CSMD3: variants seen among roughly 807,000 people sequenced by gnomAD.
CSMD3 encodes the protein CUB and Sushi multiple domains 3, also known as CUB and sushi domain-containing protein 3.
A neutral mutation model predicts 435.2 loss-of-function variants in CSMD3; 177 were observed. The ratio of observed to expected loss-of-function variants is 0.41; its 90% confidence interval spans 0.36 to 0.46. The LOEUF is 0.46. CSMD3 is among the 20% of genes least tolerant of loss of function. The pLI is 0.34. For synonymous variants in CSMD3, 1,656 were observed against 1,520.5 expected, an observed-to-expected ratio of 1.09 and a Z score of -2.07; for missense variants, 4,265 against 4,504.6, an observed-to-expected ratio of 0.95 and a Z score of 1.52.
At chr8:113,139,545 T>C (rs2091497653) in intron 4 of CSMD3, among the ~76,000 whole-genome samples, 1 of 151,074 alleles carries the variant, frequency 6.6e-6, no homozygotes, top group Non-Finnish European at 1.5e-5. Context: ...TATGTAAATA[T>C]AATGCAATAC....
chr8:113,222,988 T>C (rs2092987171), intron 3 of CSMD3, among the ~76,000 whole-genome samples: 1 of 151,050 alleles, frequency 6.6e-6, no homozygotes, highest in Admixed American at 6.6e-5. Flanking sequence ...TTTGAGATCA[T>C]GTTCCTCTTG....
intron 4 of CSMD3, among the ~76,000 whole-genome samples, chr8:113,144,627 G>C (rs528739257): frequency 6.6e-6 from 1 of 151,280 alleles, no homozygotes; most frequent in South Asian, 2.1e-4. Flanking sequence ...ACTCAGATCT[G>C]TTTTCTGTTG....
At chr8:113,245,608 T>A (rs987662227) in intron 3 of CSMD3, among the ~76,000 whole-genome samples, 1 of 151,958 alleles carries the variant, frequency 6.6e-6, no homozygotes, top group African/African-American at 2.4e-5. Flanking sequence ...ATTAACAGAG[T>A]TTCTTAATTA....
chr8:113,302,423 GT>G (rs1242531465), intron 2 of CSMD3, among the ~76,000 whole-genome samples: 1 of 149,658 alleles, frequency 6.7e-6, no homozygotes, highest in Non-Finnish European at 1.5e-5. Context: ...GAGAATGTTA[GT>G]TTTTAACAGA....
At chr8:113,196,393 G>T (rs2092656285) in intron 3 of CSMD3, among the ~76,000 whole-genome samples, 2 of 151,298 alleles carry the variant, frequency 1.3e-5, no homozygotes, top group African/African-American at 4.8e-5. Flanking sequence ...AAGGTGGGCA[G>T]ATTGGGGTGA....
intron 32 of CSMD3, among the ~76,000 whole-genome samples, chr8:112,410,612 ATATGTATATATATGTG>A (rs1173181217): frequency 2.7e-5 from 1 of 37,584 alleles, no homozygotes; most frequent in Non-Finnish European, 5.4e-5. Flanking sequence ...GTGTATATAT[ATATGTATATATATGTG>A]TATATATATG....
intron 59 of CSMD3, among the ~76,000 whole-genome samples, chr8:112,279,010 AAAAAACAACAACAACAACAAC>A (rs1297120328): frequency 3.8e-5 from 5 of 133,058 alleles, no homozygotes; most frequent in East Asian, 2.1e-4. Flanking sequence ...CTCCACCCCC[AAAAAACAACAACAACAACAAC>A]AACAACAACA....
chr8:112,905,399 C>T (rs1444232735), intron 10 of CSMD3, among the ~76,000 whole-genome samples: 2 of 150,658 alleles, frequency 1.3e-5, no homozygotes, highest in Non-Finnish European at 3.0e-5. Flanking sequence ...AGGAGGCAAT[C>T]CTCCATGTGT....
chr8:112,479,677 T>C (rs1381427834), intron 31 of CSMD3, among the ~76,000 whole-genome samples: 1 of 152,166 alleles, frequency 6.6e-6, no homozygotes, highest in African/African-American at 2.4e-5. Context: ...CCATAATCCT[T>C]GGCAGTTTTC....
At chr8:112,474,545 A>T (rs1586444791) in intron 31 of CSMD3, among the ~76,000 whole-genome samples, 1 of 152,160 alleles carries the variant, frequency 6.6e-6, no homozygotes, top group African/African-American at 2.4e-5. Context: ...TTCCCATTAG[A>T]TATCAGTAGT....
At chr8:112,948,156 T>C (rs1301975524) in intron 8 of CSMD3, among the ~76,000 whole-genome samples, 2 of 151,968 alleles carry the variant, frequency 1.3e-5, no homozygotes, top group African/African-American at 2.4e-5. Flanking sequence ...TTAGTTTCCA[T>C]CAAATTGGAA....
intron 13 of CSMD3, among the ~76,000 whole-genome samples, chr8:112,741,449 A>C (rs2077302634): frequency 6.6e-6 from 1 of 151,928 alleles, no homozygotes; most frequent in African/African-American, 2.4e-5. Context: ...AAAACAAACA[A>C]AGAAAGTAAA....
At chr8:112,715,475 A>G (rs988164457) in intron 13 of CSMD3, among the ~76,000 whole-genome samples, 1 of 152,220 alleles carries the variant, frequency 6.6e-6, no homozygotes, top group Non-Finnish European at 1.5e-5. Flanking sequence ...ACAAATTCAC[A>G]GCAAAATGCT....
intron 20 of CSMD3, among the ~76,000 whole-genome samples, chr8:112,643,953 A>G (rs987697758): frequency 1.3e-5 from 2 of 151,984 alleles, no homozygotes; most frequent in Admixed American, 1.3e-4. Context: ...TTTAATGGTA[A>G]TAACATCTTC....
At chr8:112,273,010 T>G (rs964555998) in intron 59 of CSMD3, among the ~76,000 whole-genome samples, 1 of 152,216 alleles carries the variant, frequency 6.6e-6, no homozygotes, top group Admixed American at 6.5e-5. Context: ...AATTATTTTA[T>G]GCAATACGAT....
chr8:112,392,278 C>T (rs918802754), intron 35 of CSMD3, among the ~76,000 whole-genome samples: 2 of 137,594 alleles, frequency 1.5e-5, no homozygotes, highest in Non-Finnish European at 1.5e-5. Context: ...TTTTGTGCCA[C>T]TTCCAAAGAC....
At chr8:113,094,720 G>A (rs1481854306) in intron 5 of CSMD3, among the ~76,000 whole-genome samples, 1 of 152,020 alleles carries the variant, frequency 6.6e-6, no homozygotes, top group African/African-American at 2.4e-5. Flanking sequence ...AATATTTAAG[G>A]TGATGGTTAT....
At chr8:112,467,838 A>G (rs906356244) in intron 32 of CSMD3, among the ~76,000 whole-genome samples, 1 of 152,152 alleles carries the variant, frequency 6.6e-6, no homozygotes, top group Non-Finnish European at 1.5e-5. Flanking sequence ...GGGAGTCACC[A>G]GAAACTAGGA....
At chr8:113,220,838 T>A (rs1007025071) in intron 3 of CSMD3, among the ~76,000 whole-genome samples, 1 of 151,432 alleles carries the variant, frequency 6.6e-6, no homozygotes, top group Non-Finnish European at 1.5e-5. Flanking sequence ...CTAAGGGATC[T>A]ATGTACACTA....
Sources: allele counts gnomAD v4.1 joint callset (sites outside exome capture counted in the v4.1 genomes callset), GRCh38; gene constraint gnomAD v4.1.1; transcripts MANE v1.5; gene names NCBI Gene and HGNC (gene_info 2026-07-23, HGNC 2026-07-21).